Variants in TANK observed in about 807,000 individuals in gnomAD.
TANK encodes the protein TRAF family member associated NFKB activator, also known as TRAF family member-associated NF-kappa-B activator.
In TANK, 15 loss-of-function variants were observed where a neutral mutation model predicts 43.6. The ratio of observed to expected loss-of-function variants is 0.34; its 90% confidence interval spans 0.23 to 0.53. The LOEUF (loss-of-function observed/expected upper bound fraction) is 0.53, where lower values mean the gene tolerates loss of function less well. Ranked by LOEUF, TANK falls within the 20% of genes least tolerant of loss-of-function variation. TANK has a pLI of 0.94. For missense variants in TANK, 417 were observed against 498.6 expected, an observed-to-expected ratio of 0.84 and a Z score of 1.56; for synonymous variants, 162 against 178.2, an observed-to-expected ratio of 0.91 and a Z score of 0.73.
intron 2 of TANK, among the ~76,000 whole-genome samples, chr2:161,192,176 T>G (rs1685946992): frequency 6.6e-6 from 1 of 152,122 alleles, no homozygotes; most frequent in African/African-American, 2.4e-5. Flanking sequence ...ATATTCCTAG[T>G]CCAGACCTGC....
chr2:161,174,406 A>G (rs901405125), intron 1 of TANK, among the ~76,000 whole-genome samples: 6 of 152,144 alleles, frequency 3.9e-5, no homozygotes, highest in African/African-American at 1.2e-4. Context: ...AGGACACTCT[A>G]TATATAAAGT....
At chr2:161,137,404 A>G (rs777546743) in intron 1 of TANK, among the ~76,000 whole-genome samples, 15 of 152,134 alleles carry the variant, frequency 9.9e-5, no homozygotes, top group Non-Finnish European at 1.9e-4. Flanking sequence ...AGCCAAGACC[A>G]AGGAAAATTT....
chr2:161,221,611 G>A (rs1049170862), intron 4 of TANK, among the ~76,000 whole-genome samples: 1 of 151,110 alleles, frequency 6.6e-6, no homozygotes, highest in African/African-American at 2.4e-5. Context: ...AACATGTTAT[G>A]CCCCATTCTA....
At chr2:161,220,166 T>G (rs1415511520) in intron 4 of TANK, among the ~76,000 whole-genome samples, 1 of 152,238 alleles carries the variant, frequency 6.6e-6, no homozygotes, top group Non-Finnish European at 1.5e-5. Flanking sequence ...GTCTTTGATA[T>G]GAACACTGGA....
chr2:161,214,139 A>G (rs1159675997), intron 4 of TANK, among the ~76,000 whole-genome samples: 1 of 152,194 alleles, frequency 6.6e-6, no homozygotes, highest in Non-Finnish European at 1.5e-5. Flanking sequence ...CAAAATTTTA[A>G]TTTTCACTTG....
chr2:161,213,616 G>T (rs571363101), intron 4 of TANK, among the ~76,000 whole-genome samples: 1 of 137,156 alleles, frequency 7.3e-6, no homozygotes, highest in Non-Finnish European at 1.6e-5. Context: ...AAAAAAAAAA[G>T]AAAATTTCTC....
chr2:161,190,233 C>T (rs975946784), intron 2 of TANK, among the ~76,000 whole-genome samples: 4 of 152,146 alleles, frequency 2.6e-5, no homozygotes, highest in Admixed American at 6.5e-5. Context: ...CATCCCTATT[C>T]ATTAGTAAAA....
intron 4 of TANK, chr2:161,207,880 G>A: frequency 1.0e-6 from 1 of 985,008 alleles, no homozygotes; most frequent in Non-Finnish European, 1.2e-6. Context: ...TTAAGGTGAT[G>A]GTATGATTCT....
chr2:161,192,255 G>C (rs1421647263), intron 2 of TANK, among the ~76,000 whole-genome samples: 1 of 152,142 alleles, frequency 6.6e-6, no homozygotes, highest in Non-Finnish European at 1.5e-5. Flanking sequence ...ATCCAGACCT[G>C]AACTTACATA....
intron 1 of TANK, among the ~76,000 whole-genome samples, chr2:161,169,509 A>G (rs1485165987): frequency 6.6e-6 from 1 of 152,160 alleles, no homozygotes; most frequent in Admixed American, 6.5e-5. Context: ...CTGAATCCTA[A>G]TTTTCCATAA....
chr2:161,190,960 GA>G (rs1685889485), intron 2 of TANK, among the ~76,000 whole-genome samples: 3 of 152,178 alleles, frequency 2.0e-5, no homozygotes, highest in South Asian at 4.1e-4. Context: ...ACAAAAAAAA[GA>G]ATTGGTCTAG....
chr2:161,221,631 G>A (rs767933234), intron 4 of TANK, among the ~76,000 whole-genome samples: 9 of 150,770 alleles, frequency 6.0e-5, no homozygotes, highest in Non-Finnish European at 1.2e-4. Flanking sequence ...AAATAAACCC[G>A]ACTTCAAAAT....
At chr2:161,179,364 A>G (rs1685316046) in intron 1 of TANK, 2 of 381,046 alleles carry the variant, frequency 5.2e-6, no homozygotes, top group Admixed American at 4.5e-5. Flanking sequence ...ATAGATTAGT[A>G]TTCTCAAAGT....
intron 1 of TANK, among the ~76,000 whole-genome samples, chr2:161,153,278 G>A (rs768481207): frequency 1.3e-5 from 2 of 151,372 alleles, no homozygotes; most frequent in African/African-American, 2.4e-5. Context: ...TTAGTTCTTC[G>A]GGCATATTTA....
intron 1 of TANK, among the ~76,000 whole-genome samples, chr2:161,175,015 A>T (rs1685115329): frequency 6.6e-6 from 1 of 152,164 alleles, no homozygotes; most frequent in Admixed American, 6.6e-5. Flanking sequence ...ACTCTATTCA[A>T]ATGCCACCTA....
intron 7 of TANK, among the ~76,000 whole-genome samples, chr2:161,233,412 A>AT (rs201860993): frequency 3.2e-4 from 48 of 150,488 alleles, no homozygotes; most frequent in African/African-American, 9.0e-4. Flanking sequence ...AATAATAATA[A>AT]TTTTTTTTTT....
upstream of TANK, chr2:161,156,428 T>C (rs943052424): frequency 9.8e-6 from 9 of 914,442 alleles, no homozygotes; most frequent in African/African-American, 9.0e-5. Context: ...ATCATGTATT[T>C]CATCTCTTTT....
At chr2:161,155,920 C>A, upstream of TANK, 1 of 449,118 alleles carries the variant, frequency 2.2e-6, no homozygotes, top group Non-Finnish European at 2.9e-6. Context: ...ATCCCTAATT[C>A]TTAGCACATA....
chr2:161,235,411 C>T lies in TANK; in HGVS notation c.1171C>T (p.His391Tyr). 2.5e-6 allele frequency: 4 copies of T among 1,613,892 alleles called. No individual in the cohort carries two copies. Among genetic ancestry groups the T allele is most frequent in the South Asian group, 1.1e-5 (1 of 91,064 alleles). ...VVLSGTDSEL[H>Y]IPRVCEFCQA... is the part of the protein sequence containing the mutation. ...ACTAAGTGGCACAGACTCAGAACTGCATATACCTCGAGTATGTGAATTCTG... is the reference window on the plus strand; with the variant it reads ...ACTAAGTGGCACAGACTCAGAACTGTATATACCTCGAGTATGTGAATTCTG... Residue 391 changes from histidine (H) to tyrosine (Y), a missense_variant, in exon 8 of 8, where the codon CAT (histidine) becomes TAT (tyrosine). His to Tyr is a moderately conservative substitution (Grantham distance 83, BLOSUM62 2). Transcript: ENST00000392749.
Sources: allele counts gnomAD v4.1 joint callset (sites outside exome capture counted in the v4.1 genomes callset), GRCh38; gene constraint gnomAD v4.1.1; transcripts MANE v1.5; gene names NCBI Gene and HGNC (gene_info 2026-07-23, HGNC 2026-07-21).